Variants in LIPJ observed in about 807,000 individuals in gnomAD.
LIPJ encodes lipase family member J, also known as lipase member J.
A neutral mutation model predicts 39.8 loss-of-function variants in LIPJ; 33 were observed. That is an observed-to-expected ratio of 0.83 (90% CI 0.63 to 1.11). LIPJ has a LOEUF of 1.11. Among genes scored for constraint, LIPJ ranks in the 50% least tolerant of loss-of-function variants. LIPJ has a pLI of 0.00. For missense variants in LIPJ, 422 were observed against 427.9 expected (o/e 0.99, Z 0.12); for synonymous variants, 128 against 139.2 (o/e 0.92, Z 0.57).
chr10:88,604,181 C>A (rs118082410), intron 9 of LIPJ, among the ~76,000 whole-genome samples: 196 of 152,220 alleles, frequency 1.3e-3, no homozygotes, highest in Non-Finnish European at 2.0e-3. Context: ...GTGGGTTGTA[C>A]TTTTGAATAG....
upstream of LIPJ, chr10:88,583,354 G>A (rs1850774682): frequency 1.4e-6 from 2 of 1,404,094 alleles, no homozygotes; most frequent in South Asian, 1.5e-5. Context: ...GGGGCGGAAA[G>A]GAGGCGGCCG....
At chr10:88,588,174 A>C (rs1170916658) in intron 2 of LIPJ, among the ~76,000 whole-genome samples, 2 of 151,890 alleles carry the variant, frequency 1.3e-5, no homozygotes, top group African/African-American at 4.8e-5. Flanking sequence ...ATAAATAAAC[A>C]ATTTTCTCTT....
upstream of LIPJ, chr10:88,583,402 G>T: frequency 1.5e-6 from 2 of 1,375,248 alleles, no homozygotes; most frequent in African/African-American, 1.5e-5. Flanking sequence ...GAGCAAACCT[G>T]GGGCTGCGGA....
At chr10:88,590,477 C>G in intron 2 of LIPJ, 108 bp from the exon 3 acceptor site, 1 of 439,128 alleles carries the variant, frequency 2.3e-6, no homozygotes, top group Non-Finnish European at 4.1e-6. Context: ...TGTTTTCTTA[C>G]CTGAAAACAG....
chr10:88,585,732 T>C (rs1209926475), upstream of LIPJ: 4 of 152,144 alleles, frequency 2.6e-5, no homozygotes, highest in Non-Finnish European at 5.9e-5. Flanking sequence ...ATCACACCAG[T>C]TCAGGCCATC....
intron 8 of LIPJ, among the ~76,000 whole-genome samples, chr10:88,599,108 G>A (rs186896188): frequency 6.6e-6 from 1 of 150,666 alleles, no homozygotes; most frequent in Admixed American, 6.7e-5. Flanking sequence ...AAATTGTTCA[G>A]TCAGAACTTT....
At chr10:88,615,421 C>T in the LIPJ span, among the ~76,000 whole-genome samples, 1 of 151,872 alleles carries the variant, frequency 6.6e-6, no homozygotes, top group Non-Finnish European at 1.5e-5. Flanking sequence ...GACGTGGTGG[C>T]AGGCACCTGT....
chr10:88,583,425 T>C (rs1401440103), upstream of LIPJ: 17 of 1,352,082 alleles, frequency 1.3e-5, no homozygotes, highest in Non-Finnish European at 1.6e-5. Flanking sequence ...ACCGGGGCTG[T>C]CTGTCTTCTC....
At chr10:88,611,598 A>C (rs1260439704), downstream of LIPJ, among the ~76,000 whole-genome samples, 5 of 152,230 alleles carry the variant, frequency 3.3e-5, no homozygotes, top group Non-Finnish European at 7.3e-5. Context: ...AATCAAGGAC[A>C]CACTTAGAGA....
the LIPJ span, among the ~76,000 whole-genome samples, chr10:88,613,816 G>GTGTGTA: frequency 1.4e-5 from 1 of 69,660 alleles, no homozygotes; most frequent in Non-Finnish European, 2.9e-5. Context: ...GTGTGTGTGT[G>GTGTGTA]TATATATATA....
intron 8 of LIPJ, among the ~76,000 whole-genome samples, chr10:88,601,596 A>C (rs561718097): frequency 6.6e-6 from 1 of 152,178 alleles, no homozygotes; most frequent in Non-Finnish European, 1.5e-5. Context: ...CCGCAGGATG[A>C]AAGTTGGGAT....
chr10:88,611,016 C>T (rs566505997), downstream of LIPJ, among the ~76,000 whole-genome samples: 30 of 152,312 alleles, frequency 2.0e-4, no homozygotes, highest in African/African-American at 6.0e-4. Flanking sequence ...ACCCACTTCA[C>T]TCCCCTGCTA....
At chr10:88,597,543 G>A (rs1002096303) in intron 8 of LIPJ, among the ~76,000 whole-genome samples, 4 of 151,828 alleles carry the variant, frequency 2.6e-5, no homozygotes. Context: ...GTGCCATTTG[G>A]ACTAGAGGTT....
downstream of LIPJ, chr10:88,607,034 C>T: frequency 3.7e-6 from 4 of 1,078,394 alleles, no homozygotes; most frequent in Non-Finnish European, 4.9e-6. Flanking sequence ...TCTATATTCT[C>T]ATTGACCTTA....
upstream of LIPJ, chr10:88,583,382 C>A (rs973224610): frequency 1.4e-6 from 2 of 1,391,550 alleles, no homozygotes; most frequent in South Asian, 1.6e-5. Context: ...GAGGCCCCTC[C>A]GTCCTTGAGG....
intron 8 of LIPJ, among the ~76,000 whole-genome samples, chr10:88,598,591 C>T (rs374124826): frequency 7.6e-4 from 115 of 152,002 alleles, no homozygotes; most frequent in African/African-American, 2.5e-3. Flanking sequence ...GGAATGGATT[C>T]CTTCTTATCT....
intron 9 of LIPJ, among the ~76,000 whole-genome samples, 170 bp from the exon 10 acceptor site, chr10:88,605,463 C>A (rs1372405501): frequency 6.6e-6 from 1 of 152,164 alleles, no homozygotes; most frequent in Non-Finnish European, 1.5e-5. Context: ...CCATCTCCAA[C>A]CCCTTCCATT....
chr10:88,606,105 T>A (rs1418510369), intron 10 of LIPJ, among the ~76,000 whole-genome samples: 1 of 152,052 alleles, frequency 6.6e-6, no homozygotes, highest in Non-Finnish European at 1.5e-5. Context: ...TTAGGAAAAA[T>A]TAGAAGTAAA....
At chr10:88,607,064 C>G, downstream of LIPJ, 1 of 647,214 alleles carries the variant, frequency 1.5e-6, no homozygotes, top group African/African-American at 1.9e-5. Context: ...GTCATTAAAT[C>G]AGTGTCATTC....
Sources: gnomAD v4.1 joint callset for allele counts (sites outside exome capture counted in the v4.1 genomes callset) on GRCh38, gnomAD v4.1.1 for gene constraint, MANE v1.5 for transcripts, NCBI Gene and HGNC (gene_info 2026-07-23, HGNC 2026-07-21) for gene names.